CTNNA2: variants seen among roughly 807,000 people sequenced by gnomAD.
CTNNA2 encodes catenin alpha-2.
CTNNA2 carries 42 observed loss-of-function variants against 101.0 expected under a neutral mutation model. The ratio of observed to expected loss-of-function variants is 0.42; its 90% CI spans 0.32 to 0.54. The LOEUF is 0.54. Ranked by LOEUF, CTNNA2 falls within the 20% of genes least tolerant of loss-of-function variation. The pLI is 0.14. For synonymous variants in CTNNA2, 450 were observed against 456.4 expected (o/e 0.99, Z 0.18); for missense variants, 871 against 1,223.1 (o/e 0.71, Z 4.29).
At chr2:80,470,708 C>G (rs1243631770) in intron 9 of CTNNA2, among the ~76,000 whole-genome samples, 2 of 152,244 alleles carry the variant, frequency 1.3e-5, no homozygotes, top group East Asian at 1.9e-4. Context: ...GATGTGCTTC[C>G]TACTTCTTGA....
At chr2:80,522,988 T>C (rs1270181963) in intron 9 of CTNNA2, among the ~76,000 whole-genome samples, 1 of 152,104 alleles carries the variant, frequency 6.6e-6, no homozygotes, top group Non-Finnish European at 1.5e-5. Flanking sequence ...GATTGTGCAC[T>C]GCTCAATTGG....
chr2:79,590,654 AC>A (rs1676787340), intron 1 of CTNNA2, among the ~76,000 whole-genome samples: 1 of 152,054 alleles, frequency 6.6e-6, no homozygotes, highest in African/African-American at 2.4e-5. Flanking sequence ...TTAGGATACA[AC>A]CTTTTCTATG....
chr2:79,984,586 G>A (rs941115316), intron 7 of CTNNA2, among the ~76,000 whole-genome samples: 3 of 152,188 alleles, frequency 2.0e-5, no homozygotes, highest in African/African-American at 7.2e-5. Flanking sequence ...TTTAGGAAAT[G>A]CAACCGGGTT....
chr2:79,885,260 G>T (rs1348865357), intron 6 of CTNNA2, among the ~76,000 whole-genome samples: 2 of 152,170 alleles, frequency 1.3e-5, no homozygotes, highest in Non-Finnish European at 2.9e-5. Context: ...CTACACTGAA[G>T]GCTTCCGAAT....
At position 80,077,133 on chromosome 2, in the gene CTNNA2, G is replaced by A. The variant is rs559497064; in HGVS notation, c.1056+167336G>A. ...AATGCCAAGTACTGGAGAGGATATG[G>A]AACAACTGTAACTCTCATATATTTT... is the stretch of plus-strand genomic sequence containing the variant. On this transcript the variant is annotated intron_variant, in intron 7 of 18. Coordinates refer to ENST00000402739, the MANE Select transcript of CTNNA2 (RefSeq NM_001282597.3). Among the ~76,000 whole-genome samples, 7 of 152,214 alleles carry A rather than the reference G, an allele frequency of 4.6e-5. No homozygotes were observed. The East Asian group carries it at 1.4e-3, about 29-fold the overall frequency.
chr2:79,948,866 G>T (rs1307949240), intron 7 of CTNNA2, among the ~76,000 whole-genome samples: 2 of 152,182 alleles, frequency 1.3e-5, no homozygotes, highest in Non-Finnish European at 2.9e-5. Flanking sequence ...TACTCAGGAG[G>T]CTAAGGCAGG....
chr2:80,325,247 G>C (rs1262017481), intron 7 of CTNNA2, among the ~76,000 whole-genome samples: 2 of 152,202 alleles, frequency 1.3e-5, no homozygotes, highest in Non-Finnish European at 2.9e-5. Flanking sequence ...GAATTGATTA[G>C]AGAGGAGGAG....
chr2:79,789,748 G>A (rs556339641), intron 3 of CTNNA2, among the ~76,000 whole-genome samples: 10 of 152,244 alleles, frequency 6.6e-5, no homozygotes, highest in Admixed American at 6.5e-4. Flanking sequence ...TTGGGAAGTA[G>A]AGGATGGTGT....
At chr2:80,083,548 G>T (rs1323114846) in intron 7 of CTNNA2, among the ~76,000 whole-genome samples, 1 of 152,076 alleles carries the variant, frequency 6.6e-6, no homozygotes, top group Non-Finnish European at 1.5e-5. Flanking sequence ...TTAATGTCTA[G>T]GGAATAAGGC....
chr2:80,381,184 G>A (rs1484124913), intron 7 of CTNNA2, among the ~76,000 whole-genome samples: 1 of 151,718 alleles, frequency 6.6e-6, no homozygotes, highest in Non-Finnish European at 1.5e-5. Context: ...GGGGTTGGGG[G>A]CAGCCTGGCC....
chr2:80,455,555 T>C (rs951100327), intron 9 of CTNNA2, among the ~76,000 whole-genome samples: 3 of 152,242 alleles, frequency 2.0e-5, no homozygotes, highest in African/African-American at 7.2e-5. Context: ...TTGTGTTTCA[T>C]GCCTTCATCA....
chr2:79,402,352 A>T (rs1441773917), intron 4 of CTNNA2, among the ~76,000 whole-genome samples: 2 of 151,830 alleles, frequency 1.3e-5, no homozygotes, highest in Non-Finnish European at 2.9e-5. Flanking sequence ...CAAAAACTGC[A>T]AAATACGCAA....
chr2:79,285,015 C>T (rs1675523460), intron 2 of CTNNA2, among the ~76,000 whole-genome samples: 1 of 124,938 alleles, frequency 8.0e-6, no homozygotes, highest in Admixed American at 8.2e-5. Context: ...AGGAATTTAT[C>T]CATTTCTTCT....
chr2:80,644,625 C>A (rs1041442215), intron 18 of CTNNA2, among the ~76,000 whole-genome samples: 20 of 152,134 alleles, frequency 1.3e-4, no homozygotes, highest in African/African-American at 4.8e-4. Flanking sequence ...GAAAGTGCAT[C>A]TACAGAAAAG....
intron 7 of CTNNA2, among the ~76,000 whole-genome samples, chr2:80,075,790 T>C (rs1698703975): frequency 7.0e-6 from 1 of 143,034 alleles, no homozygotes; most frequent in Non-Finnish European, 1.5e-5. Flanking sequence ...ATAATATTTA[T>C]ACATGTATAA....
rs143935371 is a variant in CTNNA2 at position 79,254,383 on chromosome 2, A to G, written c.-406+56307A>G. The stretch of plus-strand genomic sequence containing the variant: ...GGTGTGGAGTTCCCATGAATGGTTT[A>G]GCACCATCCTTTCCTGGTACTGTGT... On this transcript the variant is annotated intron_variant, in intron 2 of 21. Coordinates refer to the CTNNA2 transcript ENST00000466387. 4.3e-3 allele frequency among the ~76,000 whole-genome samples: 653 copies of G among 152,230 alleles called. 1 individual carries two copies. Among genetic ancestry groups the G allele is most frequent in the Middle Eastern group, 0.014 (4 of 294 alleles).
At chr2:79,600,704 A>G (rs1364172530) in intron 1 of CTNNA2, among the ~76,000 whole-genome samples, 3 of 152,234 alleles carry the variant, frequency 2.0e-5, no homozygotes, top group Non-Finnish European at 4.4e-5. Context: ...ACAGAATACC[A>G]TAGACTGGGA....
At chr2:79,193,440 A>G (rs1673901258) in intron 1 of CTNNA2, among the ~76,000 whole-genome samples, 2 of 152,192 alleles carry the variant, frequency 1.3e-5, no homozygotes, top group South Asian at 4.1e-4. Flanking sequence ...AACATACTAT[A>G]CAGGTACGTA....
At chr2:79,515,867 GTAAAATGTATTCCGGATATA>G (rs1327599564) in intron 1 of CTNNA2, among the ~76,000 whole-genome samples, 1 of 152,114 alleles carries the variant, frequency 6.6e-6, no homozygotes. Flanking sequence ...ATGGACCCCT[GTAAAATGTATTCCGGATATA>G]TTCTCTGTGT....
Sources: gnomAD v4.1 joint callset for allele counts (sites outside exome capture counted in the v4.1 genomes callset) on GRCh38, gnomAD v4.1.1 for gene constraint, MANE v1.5 for transcripts, NCBI Gene and HGNC (gene_info 2026-07-23, HGNC 2026-07-21) for gene names.